Variants in SRPK2 observed in about 807,000 individuals in gnomAD.
The protein encoded by SRPK2 is SRSF protein kinase 2, also known as SFRS protein kinase 2.
SRPK2 carries 21 observed loss-of-function variants against 90.8 expected under a neutral mutation model. The observed-to-expected ratio is 0.23, with a 90% CI of 0.16 to 0.33. SRPK2 has a LOEUF of 0.33. SRPK2 is among the 10% of genes least tolerant of loss of function. The pLI, the probability that SRPK2 is intolerant of heterozygous loss-of-function variation, is 1.00. For synonymous variants in SRPK2, 288 were observed against 311.1 expected, an observed-to-expected ratio of 0.93 and a Z score of 0.78; for missense variants, 620 against 869.0, an observed-to-expected ratio of 0.71 and a Z score of 3.60.
At chr7:105,253,079 T>G (rs985329496) in intron 2 of SRPK2, among the ~76,000 whole-genome samples, 1 of 152,192 alleles carries the variant, frequency 6.6e-6, no homozygotes, top group Admixed American at 6.5e-5. Context: ...TCTTTAATCA[T>G]AATTAACTGC....
At chr7:105,264,228 A>G (rs577554449) in intron 2 of SRPK2, among the ~76,000 whole-genome samples, 1 of 152,014 alleles carries the variant, frequency 6.6e-6, no homozygotes, top group South Asian at 2.1e-4. Flanking sequence ...TCACTTTTGA[A>G]TTTTTTCCCT....
intron 2 of SRPK2, among the ~76,000 whole-genome samples, chr7:105,242,790 C>T (rs1391960876): frequency 6.6e-6 from 1 of 152,164 alleles, no homozygotes; most frequent in African/African-American, 2.4e-5. Context: ...CCATGTTCAC[C>T]ATTGAGTCTC....
chr7:105,224,404 G>A (rs1798466117), intron 2 of SRPK2, among the ~76,000 whole-genome samples: 3 of 152,064 alleles, frequency 2.0e-5, no homozygotes. Context: ...GAGGTCAGGA[G>A]TTCAAGACTA....
At chr7:105,177,388 C>T (rs144427331) in intron 3 of SRPK2, among the ~76,000 whole-genome samples, 84 of 152,158 alleles carry the variant, frequency 5.5e-4, no homozygotes, top group African/African-American at 1.8e-3. Flanking sequence ...TGTAAGGACA[C>T]AAAGGACTGC....
chr7:105,331,171 T>TG (rs923037070), intron 2 of SRPK2, among the ~76,000 whole-genome samples: 1 of 151,500 alleles, frequency 6.6e-6, no homozygotes, highest in African/African-American at 2.4e-5. Context: ...TAGCTGGGTG[T>TG]GGTGGTGCAT....
At chr7:105,292,302 G>A (rs1424506884) in intron 2 of SRPK2, among the ~76,000 whole-genome samples, 2 of 152,106 alleles carry the variant, frequency 1.3e-5, no homozygotes, top group South Asian at 2.1e-4. Flanking sequence ...GAGGTCAGGA[G>A]TTCGAGACCA....
At chr7:105,331,329 A>AAAAC (rs1367808002) in intron 2 of SRPK2, among the ~76,000 whole-genome samples, 71 of 145,478 alleles carry the variant, frequency 4.9e-4, no homozygotes, top group Non-Finnish European at 8.8e-4. Flanking sequence ...AAAAAAAAAA[A>AAAAC]AAAAAAAACA....
At chr7:105,284,168 G>A (rs923275925) in intron 2 of SRPK2, among the ~76,000 whole-genome samples, 1 of 152,190 alleles carries the variant, frequency 6.6e-6, no homozygotes, top group African/African-American at 2.4e-5. Flanking sequence ...ATCCACAGCT[G>A]TGCTGCCGAG....
intron 2 of SRPK2, among the ~76,000 whole-genome samples, chr7:105,299,200 T>C (rs548122042): frequency 2.4e-4 from 37 of 152,292 alleles, no homozygotes; most frequent in Admixed American, 2.4e-3. Flanking sequence ...AGTCTCACCA[T>C]CCCAATCTGA....
intron 2 of SRPK2, among the ~76,000 whole-genome samples, chr7:105,307,855 G>A (rs1416663052): frequency 6.6e-6 from 1 of 152,142 alleles, no homozygotes; most frequent in African/African-American, 2.4e-5. Context: ...ATATACAATG[G>A]TGATGAACAG....
intron 2 of SRPK2, among the ~76,000 whole-genome samples, chr7:105,326,027 C>T (rs1168662402): frequency 2.6e-5 from 4 of 152,218 alleles, no homozygotes; most frequent in Non-Finnish European, 5.9e-5. Flanking sequence ...CTACCGCACA[C>T]GGGGACACGG....
At chr7:105,193,783 T>C (rs1010350390) in intron 3 of SRPK2, among the ~76,000 whole-genome samples, 3 of 152,124 alleles carry the variant, frequency 2.0e-5, no homozygotes, top group Non-Finnish European at 2.9e-5. Context: ...AGAAAACCAA[T>C]ACAAAGAGGT....
chr7:105,364,932 T>C (rs753603629), intron 2 of SRPK2, among the ~76,000 whole-genome samples: 15 of 152,268 alleles, frequency 9.9e-5, no homozygotes, highest in Non-Finnish European at 1.8e-4. Context: ...AGGGTTCTCA[T>C]TGTCCAGGAC....
At chr7:105,253,462 G>C (rs572432311) in intron 2 of SRPK2, among the ~76,000 whole-genome samples, 3 of 152,192 alleles carry the variant, frequency 2.0e-5, no homozygotes, top group African/African-American at 7.2e-5. Flanking sequence ...AAAATTCAAA[G>C]ACCTTTCTTT....
Position 105,374,629 on chromosome 7 carries a change from G to A in SRPK2, c.71+14019C>T, listed in dbSNP as rs1030287142. On this transcript the variant is annotated intron_variant, in intron 2 of 15. Transcript: ENST00000393651. ...AATATACATATATTTTTTTGAGTCA[G>A]AGTCTCATTCGGTCGCCCAGGTTGG... Among the ~76,000 whole-genome samples, 6 of 152,266 alleles carry A rather than the reference G, an allele frequency of 3.9e-5. No homozygotes were observed. The East Asian group carries it at 1.2e-3, about 29-fold the overall frequency.
chr7:105,192,797 A>G (rs547782141), intron 3 of SRPK2, among the ~76,000 whole-genome samples: 2 of 152,292 alleles, frequency 1.3e-5, no homozygotes, highest in African/African-American at 4.8e-5. Context: ...CCTGATCATT[A>G]GTGATGTTGA....
intron 11 of SRPK2, among the ~76,000 whole-genome samples, chr7:105,138,868 C>T (rs751042587): frequency 6.6e-6 from 1 of 152,104 alleles, no homozygotes; most frequent in Non-Finnish European, 1.5e-5. Context: ...CAATGGAGGA[C>T]GTTCTAATTC....
chr7:105,210,506 T>C (rs1796720658), intron 2 of SRPK2, among the ~76,000 whole-genome samples: 4 of 152,220 alleles, frequency 2.6e-5, no homozygotes, highest in East Asian at 1.9e-4. Flanking sequence ...GACCAGATAA[T>C]GTTTCGAACT....
chr7:105,398,134 A>G (rs1822381078), intron 1 of SRPK2, among the ~76,000 whole-genome samples: 1 of 152,200 alleles, frequency 6.6e-6, no homozygotes, highest in Non-Finnish European at 1.5e-5. Context: ...TGAAAAAGGC[A>G]GTACATATGT....
Sources: allele counts gnomAD v4.1 joint callset (sites outside exome capture counted in the v4.1 genomes callset), GRCh38; gene constraint gnomAD v4.1.1; transcripts MANE v1.5; gene names NCBI Gene and HGNC (gene_info 2026-07-23, HGNC 2026-07-21).